The following CSMD1 variants were observed in gnomAD, a reference collection of about 807,000 sequenced individuals.
CSMD1 encodes CUB and Sushi multiple domains 1.
A neutral mutation model predicts 417.5 loss-of-function variants in CSMD1; 213 were observed. The observed-to-expected ratio is 0.51, with a 90% CI of 0.46 to 0.57. The LOEUF (loss-of-function observed/expected upper bound fraction) is 0.57, where lower values mean the gene tolerates loss of function less well. CSMD1 is among the 20% of genes least tolerant of loss of function. The probability of loss-of-function intolerance (pLI) is 0.00; values close to 1 mark genes in which losing one functional copy is unlikely to be tolerated. For synonymous variants in CSMD1, 2,862 were observed against 1,736.8 expected, an observed-to-expected ratio of 1.65 and a Z score of -16.11; for missense variants, 6,923 against 4,529.7, an observed-to-expected ratio of 1.53 and a Z score of -15.17.
chr8:4,760,789 A>T (rs1811988519), intron 1 of CSMD1, among the ~76,000 whole-genome samples: 1 of 152,190 alleles, frequency 6.6e-6, no homozygotes, highest in Admixed American at 6.6e-5. Context: ...AGATCTGTCA[A>T]AAACAAAAAC....
At chr8:4,008,407 T>C (rs144645565) in intron 4 of CSMD1, among the ~76,000 whole-genome samples, 4 of 151,664 alleles carry the variant, frequency 2.6e-5, no homozygotes, top group Non-Finnish European at 5.9e-5. Flanking sequence ...CTAATATGTA[T>C]TATATAATTT....
intron 2 of CSMD1, among the ~76,000 whole-genome samples, chr8:4,609,090 A>G (rs1020623969): frequency 1.3e-5 from 2 of 151,848 alleles, no homozygotes; most frequent in Non-Finnish European, 2.9e-5. Flanking sequence ...ACTGAGTTTT[A>G]GTTTTCTCAT....
intron 26 of CSMD1, among the ~76,000 whole-genome samples, chr8:3,257,625 A>G (rs574447744): frequency 6.6e-6 from 1 of 152,256 alleles, no homozygotes; most frequent in South Asian, 2.1e-4. Context: ...TTTAAGATAG[A>G]GACAGAATCA....
chr8:3,556,655 C>T (rs151273848), intron 10 of CSMD1, among the ~76,000 whole-genome samples: 9 of 151,602 alleles, frequency 5.9e-5, no homozygotes, highest in South Asian at 2.1e-4. Context: ...CACCTGTTAA[C>T]GAGGATAATG....
intron 1 of CSMD1, among the ~76,000 whole-genome samples, chr8:4,943,250 C>G (rs574603234): frequency 6.6e-6 from 1 of 152,238 alleles, no homozygotes; most frequent in South Asian, 2.1e-4. Flanking sequence ...AATCCCAGCA[C>G]TTTGGGCGGC....
intron 10 of CSMD1, among the ~76,000 whole-genome samples, chr8:3,574,673 A>C (rs752455289): frequency 6.6e-6 from 1 of 152,252 alleles, no homozygotes; most frequent in Non-Finnish European, 1.5e-5. Context: ...TGAAAAAGAC[A>C]TAAGAGAAAG....
At chr8:3,736,605 C>T (rs182371207) in intron 6 of CSMD1, among the ~76,000 whole-genome samples, 58 of 152,302 alleles carry the variant, frequency 3.8e-4, no homozygotes, top group Middle Eastern at 3.4e-3. Context: ...GCTCCTGCAA[C>T]ACCAGGCAAT....
At chr8:4,242,456 T>C (rs962243158) in intron 3 of CSMD1, among the ~76,000 whole-genome samples, 6 of 152,194 alleles carry the variant, frequency 3.9e-5, no homozygotes, top group Non-Finnish European at 5.9e-5. Context: ...AATAGGACTA[T>C]TGTTGTGAGC....
intron 7 of CSMD1, among the ~76,000 whole-genome samples, chr8:3,707,972 T>C (rs1193794598): frequency 6.6e-6 from 1 of 152,222 alleles, no homozygotes; most frequent in South Asian, 2.1e-4. Flanking sequence ...TGGAAGGACG[T>C]AGACATTGCC....
At chr8:3,208,099 A>G (rs1033407723) in intron 30 of CSMD1, among the ~76,000 whole-genome samples, 1 of 152,206 alleles carries the variant, frequency 6.6e-6, no homozygotes, top group Non-Finnish European at 1.5e-5. Flanking sequence ...ATAAAGATTG[A>G]AAATATATTT....
At chr8:3,031,477 A>G (rs1428879177) in intron 50 of CSMD1, among the ~76,000 whole-genome samples, 2 of 152,024 alleles carry the variant, frequency 1.3e-5, no homozygotes, top group Non-Finnish European at 2.9e-5. Flanking sequence ...TAATAAAAAA[A>G]AATTATTTTT....
At chr8:3,013,097 A>G (rs1178397306) in intron 52 of CSMD1, among the ~76,000 whole-genome samples, 1 of 152,184 alleles carries the variant, frequency 6.6e-6, no homozygotes, top group African/African-American at 2.4e-5. Flanking sequence ...CCTTTCCTTT[A>G]TAAATTACCC....
chr8:3,690,107 C>G (rs1234709572), intron 7 of CSMD1, among the ~76,000 whole-genome samples: 2 of 152,126 alleles, frequency 1.3e-5, no homozygotes, highest in Non-Finnish European at 2.9e-5. Context: ...ATCTGTAATC[C>G]CAGCACTTTA....
At chr8:3,142,345 C>T in intron 41 of CSMD1, 120 bp downstream of exon 41, 1 of 897,462 alleles carries the variant, frequency 1.1e-6, no homozygotes, top group Non-Finnish European at 1.7e-6. Context: ...CAACATTCCA[C>T]CAAAAAATTA....
At chr8:3,202,676 T>C (rs1331972424) in intron 31 of CSMD1, among the ~76,000 whole-genome samples, 1 of 152,218 alleles carries the variant, frequency 6.6e-6, no homozygotes. Flanking sequence ...GTGCACTAGT[T>C]GTGTGTGTCA....
chr8:3,839,249 T>C (rs1460814321), intron 5 of CSMD1, among the ~76,000 whole-genome samples: 52 of 125,190 alleles, frequency 4.2e-4, no homozygotes, highest in Non-Finnish European at 6.3e-4. Context: ...ATACTATTAA[T>C]ATATATTACT....
At chr8:4,760,232 C>T (rs1811954268) in intron 1 of CSMD1, among the ~76,000 whole-genome samples, 1 of 152,156 alleles carries the variant, frequency 6.6e-6, no homozygotes, top group Non-Finnish European at 1.5e-5. Flanking sequence ...GTTATATGCA[C>T]TATTTTTAGA....
At chr8:3,776,946 T>A (rs942122984) in intron 5 of CSMD1, among the ~76,000 whole-genome samples, 1 of 151,934 alleles carries the variant, frequency 6.6e-6, no homozygotes, top group African/African-American at 2.4e-5. Context: ...ACTCTTGATC[T>A]CAAGTGATTC....
chr8:3,561,825 T>C (rs1799478961), intron 10 of CSMD1, among the ~76,000 whole-genome samples: 1 of 152,320 alleles, frequency 6.6e-6, no homozygotes, highest in African/African-American at 2.4e-5. Context: ...TCTATAAAGT[T>C]AGTCACTGAG....
Sources: gnomAD v4.1 joint callset for allele counts (sites outside exome capture counted in the v4.1 genomes callset) on GRCh38, gnomAD v4.1.1 for gene constraint, MANE v1.5 for transcripts, NCBI Gene and HGNC (gene_info 2026-07-23, HGNC 2026-07-21) for gene names.